The following ADGRL3 variants were observed in gnomAD, a reference collection of about 807,000 sequenced individuals.
ADGRL3 encodes the protein adhesion G protein-coupled receptor L3.
Under a neutral mutation model 153.5 loss-of-function variants are expected in ADGRL3, and 62 were observed. That is an observed-to-expected ratio of 0.40 (90% CI 0.33 to 0.50). The LOEUF is 0.50. ADGRL3 is among the 20% of genes least tolerant of loss of function. ADGRL3 has a pLI of 0.47. For missense variants in ADGRL3, 1,641 were observed against 1,859.4 expected, an observed-to-expected ratio of 0.88 and a Z score of 2.16; for synonymous variants, 710 against 672.5, an observed-to-expected ratio of 1.06 and a Z score of -0.86.
At chr4:61,880,952 C>T (rs2098504910) in intron 9 of ADGRL3, among the ~76,000 whole-genome samples, 2 of 152,144 alleles carry the variant, frequency 1.3e-5, no homozygotes, top group Non-Finnish European at 2.9e-5. Flanking sequence ...TTAGACTCCT[C>T]AAGGAGTCTC....
chr4:61,387,072 A>G lies in ADGRL3; in HGVS notation c.-174+3883A>G, dbSNP rs183724987. ...GTTGGCCGCCTTGAGAAATAAAGGG[A>G]CAGAGTACAAAAGAGAGAAATTCTA... On this transcript the variant is annotated intron_variant, in intron 2 of 26. Transcript: ENST00000683033. Among the ~76,000 whole-genome samples, 357 of 152,240 alleles carry G rather than the reference A, an allele frequency of 2.3e-3. 5 individuals carry two copies. Among genetic ancestry groups the G allele is most frequent in the African/African-American group, 8.0e-3 (333 of 41,538 alleles).
chr4:61,317,555 A>G (rs933811766), intron 1 of ADGRL3, among the ~76,000 whole-genome samples: 2 of 152,276 alleles, frequency 1.3e-5, no homozygotes, highest in East Asian at 3.9e-4. Context: ...CTTCTTGTGT[A>G]AGGCCTATAA....
intron 6 of ADGRL3, among the ~76,000 whole-genome samples, chr4:61,704,337 A>G (rs893551766): frequency 2.6e-5 from 4 of 152,232 alleles, no homozygotes; most frequent in African/African-American, 9.6e-5. Flanking sequence ...AGAAAATCAT[A>G]TAAATTTTTT....
chr4:61,504,435 G>T (rs1235890616), intron 3 of ADGRL3, among the ~76,000 whole-genome samples: 1 of 152,098 alleles, frequency 6.6e-6, no homozygotes, highest in African/African-American at 2.4e-5. Flanking sequence ...CATACAATTT[G>T]TAAGGATCAG....
chr4:61,393,111 T>C (rs1471570852), intron 2 of ADGRL3, among the ~76,000 whole-genome samples: 1 of 152,080 alleles, frequency 6.6e-6, no homozygotes, highest in Non-Finnish European at 1.5e-5. Flanking sequence ...TCTCCCTGGA[T>C]TGTAGTATTC....
chr4:61,509,667 T>C (rs931500216), intron 3 of ADGRL3, among the ~76,000 whole-genome samples: 8 of 152,070 alleles, frequency 5.3e-5, no homozygotes, highest in Non-Finnish European at 1.0e-4. Context: ...CAGTCTACCA[T>C]TGATGAGCAC....
intron 4 of ADGRL3, among the ~76,000 whole-genome samples, chr4:61,567,603 C>T (rs1022316017): frequency 6.6e-6 from 1 of 152,142 alleles, no homozygotes; most frequent in African/African-American, 2.4e-5. Context: ...ATGAGAAGTA[C>T]ATGTCTGCAG....
chr4:61,660,419 A>G (rs558232869), intron 5 of ADGRL3, among the ~76,000 whole-genome samples: 1 of 152,220 alleles, frequency 6.6e-6, no homozygotes, highest in South Asian at 2.1e-4. Flanking sequence ...AATTTTAATC[A>G]TACTTTCTCT....
At chr4:61,483,940 A>G (rs2098161259) in intron 2 of ADGRL3, among the ~76,000 whole-genome samples, 1 of 151,110 alleles carries the variant, frequency 6.6e-6, no homozygotes, top group Non-Finnish European at 1.5e-5. Flanking sequence ...AATTATGGGC[A>G]TATAAATAGG....
At chr4:62,031,683 T>A in intron 23 of ADGRL3, 73 bp downstream of exon 23, 1 of 997,462 alleles carries the variant, frequency 1.0e-6, no homozygotes, top group Non-Finnish European at 1.5e-6. Flanking sequence ...CAACATATTC[T>A]AATATATTAT....
chr4:61,980,964 G>GTTTTA (rs2099066233), intron 18 of ADGRL3, among the ~76,000 whole-genome samples: 1 of 152,130 alleles, frequency 6.6e-6, no homozygotes, highest in Non-Finnish European at 1.5e-5. Flanking sequence ...TTTTTGTGTG[G>GTTTTA]ACATATGTTT....
intron 2 of ADGRL3, among the ~76,000 whole-genome samples, chr4:61,435,613 A>T (rs748138556): frequency 2.0e-5 from 3 of 151,892 alleles, no homozygotes; most frequent in Non-Finnish European, 2.9e-5. Flanking sequence ...ATGTGTCTTA[A>T]ATCTTATTAT....
intron 21 of ADGRL3, among the ~76,000 whole-genome samples, chr4:61,999,987 C>A (rs1309865633): frequency 6.6e-6 from 1 of 151,936 alleles, no homozygotes; most frequent in African/African-American, 2.4e-5. Context: ...GTGTTGGTTT[C>A]TTAGACTATT....
intron 1 of ADGRL3, among the ~76,000 whole-genome samples, chr4:61,336,668 C>T (rs537392602): frequency 3.9e-5 from 6 of 152,066 alleles, no homozygotes; most frequent in African/African-American, 1.2e-4. Context: ...CCTGCCAGCC[C>T]TCTCTGTGGG....
At chr4:62,063,279 A>C (rs1370126885) in intron 25 of ADGRL3, among the ~76,000 whole-genome samples, 1 of 152,082 alleles carries the variant, frequency 6.6e-6, no homozygotes, top group Non-Finnish European at 1.5e-5. Context: ...AATGTAGCTT[A>C]ATCAACATTG....
At chr4:61,563,384 T>C (rs1276661949) in intron 4 of ADGRL3, among the ~76,000 whole-genome samples, 1 of 152,152 alleles carries the variant, frequency 6.6e-6, no homozygotes, top group Non-Finnish European at 1.5e-5. Flanking sequence ...GCAGAGTAGA[T>C]TTAGCATAAT....
At chr4:61,309,258 C>A (rs1294239802) in intron 1 of ADGRL3, among the ~76,000 whole-genome samples, 1 of 152,148 alleles carries the variant, frequency 6.6e-6, no homozygotes, top group South Asian at 2.1e-4. Flanking sequence ...GTTCAATATC[C>A]GAGGTCAGGA....
chr4:61,253,192 A>C (rs899642529), intron 1 of ADGRL3, among the ~76,000 whole-genome samples: 1 of 152,202 alleles, frequency 6.6e-6, no homozygotes, highest in African/African-American at 2.4e-5. Context: ...TTCCCCAGCT[A>C]TCAAGAATTA....
At chr4:61,609,047 G>A (rs1225125393) in intron 5 of ADGRL3, among the ~76,000 whole-genome samples, 1 of 151,946 alleles carries the variant, frequency 6.6e-6, no homozygotes, top group African/African-American at 2.4e-5. Flanking sequence ...GGGAGATAAT[G>A]CTTATTTGTT....
Sources: gnomAD v4.1 joint callset for allele counts (sites outside exome capture counted in the v4.1 genomes callset) on GRCh38, gnomAD v4.1.1 for gene constraint, MANE v1.5 for transcripts, NCBI Gene and HGNC (gene_info 2026-07-23, HGNC 2026-07-21) for gene names.